SLC6A6: variants seen among roughly 807,000 people sequenced by gnomAD.
The protein encoded by SLC6A6 is solute carrier family 6 member 6.
Under a neutral mutation model 68.8 loss-of-function variants are expected in SLC6A6, and 16 were observed. The observed-to-expected ratio is 0.23, with a 90% CI of 0.16 to 0.35. SLC6A6 has a LOEUF of 0.35. Among genes scored for constraint, SLC6A6 ranks in the 10% least tolerant of loss-of-function variants. SLC6A6 has a pLI of 1.00. For missense variants in SLC6A6, 474 were observed against 802.8 expected (o/e 0.59, Z 4.95); for synonymous variants, 312 against 315.4 (o/e 0.99, Z 0.12).
In SLC6A6 at chr3:14,443,740, G is replaced by A. The variant is rs147424926; in HGVS notation, c.106G>A (p.Gly36Arg). Residue 36 changes from glycine to arginine, a missense_variant, in exon 3 of 15, where the codon GGA becomes AGA. Around this residue, in one of 2 missense-constraint regions of SLC6A6, gnomAD observed 280 missense variants for 533.1 expected, o/e 0.53. Coordinates refer to ENST00000622186, the MANE Select transcript of SLC6A6 (RefSeq NM_003043.6). ...PGTRPEDEAE[G>R]KPPQREKWSS... Reference sequence around the variant, plus strand: ...CACGCGGCCTGAGGACGAGGCTGAGGGAAAACCTCCGCAGAGGGAGAAGTG... The same window carrying A: ...CACGCGGCCTGAGGACGAGGCTGAGAGAAAACCTCCGCAGAGGGAGAAGTG... The A allele has an allele frequency of 1.2e-6, 2 of 1,614,032 alleles. No individual in the cohort carries two copies. Among genetic ancestry groups the A allele is most frequent in the Non-Finnish European group, 1.7e-6 (2 of 1,179,998 alleles).
chr3:14,471,646 G>C (rs1385195187), intron 9 of SLC6A6, among the ~76,000 whole-genome samples: 1 of 152,210 alleles, frequency 6.6e-6, no homozygotes, highest in Admixed American at 6.5e-5. Flanking sequence ...TCATGGGCTT[G>C]GCTCTGACCT....
At chr3:14,428,633 G>T (rs796841046) in intron 2 of SLC6A6, among the ~76,000 whole-genome samples, 22 of 152,272 alleles carry the variant, frequency 1.4e-4, no homozygotes, top group African/African-American at 5.1e-4. Context: ...TGAGAGAGGG[G>T]CCCTGTGTGC....
At chr3:14,426,520 C>T (rs1699603937) in intron 2 of SLC6A6, among the ~76,000 whole-genome samples, 3 of 152,226 alleles carry the variant, frequency 2.0e-5, no homozygotes. Context: ...AGATGCTACA[C>T]AGTCTCGCTA....
At chr3:14,422,145 T>C (rs1440679647) in intron 2 of SLC6A6, among the ~76,000 whole-genome samples, 1 of 152,046 alleles carries the variant, frequency 6.6e-6, no homozygotes, top group Non-Finnish European at 1.5e-5. Flanking sequence ...CTCCTGGACT[T>C]AAAAAGCAAG....
intron 2 of SLC6A6, among the ~76,000 whole-genome samples, chr3:14,439,135 C>T (rs555038177): frequency 3.4e-4 from 52 of 152,338 alleles, no homozygotes; most frequent in Non-Finnish European, 5.1e-4. Flanking sequence ...TGCTCGGTGC[C>T]GGAGGCCCAG....
rs764303742 is a variant in SLC6A6, at chr3:14,466,521, C to G, written c.738C>G (p.Val246=). Residue 246 remains valine (V), a synonymous_variant, in exon 7 of 15, where the codon GTC becomes GTG. Transcript: ENST00000622186. ...WKGVRSTGKV[V]YFTATFPFAM... is the part of the protein sequence containing the mutation. ...AATCCCTCTCGCCCTTGCAGGTCGT[C>G]TACTTCACAGCCACTTTTCCATTCG... 6.2e-6 allele frequency: 10 copies of G among 1,611,488 alleles called. No individual in the cohort carries two copies. In the South Asian group the frequency reaches 1.1e-4, roughly 18 times the overall value.
intron 2 of SLC6A6, among the ~76,000 whole-genome samples, chr3:14,425,709 C>T (rs549721948): frequency 4.6e-4 from 57 of 124,678 alleles, no homozygotes; most frequent in African/African-American, 1.7e-3. Context: ...GGGTGGGGGA[C>T]TCGGGGCAGG....
chr3:14,430,671 C>T (rs1699704700), intron 2 of SLC6A6, among the ~76,000 whole-genome samples: 1 of 152,212 alleles, frequency 6.6e-6, no homozygotes, highest in Non-Finnish European at 1.5e-5. Context: ...GCCAACCTGA[C>T]AGAATTAGAT....
rs554485806 is a variant in SLC6A6 at position 14,413,659 on chromosome 3, A to G, written c.-53-2753A>G. On this transcript the variant is annotated intron_variant, in intron 1 of 14. Transcript: ENST00000622186. ...CTCCAGGCAATTCTGCTTTGTATTT[A>G]ACTTTGGGAAGGGCTGATGACCTCT... Among the ~76,000 whole-genome samples, 5 of 151,614 alleles carry G rather than the reference A, an allele frequency of 3.3e-5. No homozygotes were observed. In the East Asian group the frequency reaches 9.8e-4, roughly 30 times the overall value.
Position 14,484,941 on chromosome 3 carries a change from C to T in SLC6A6, c.1797C>T (p.Asn599=), listed in dbSNP as rs747403349. 3.7e-6 allele frequency: 6 copies of T among 1,612,882 alleles called. No homozygotes were observed. Among genetic ancestry groups the T allele is most frequent in the South Asian group, 1.1e-5 (1 of 91,016 alleles). ...AGCGCGAGGGAGCCACACCTTACAA[C>T]TCTCGCACCGTCATGAACGGCGCTC... is the stretch of plus-strand genomic sequence containing the variant. ...AVEREGATPY[N]SRTVMNGALV... is the part of the protein sequence containing the mutation. Residue 599 remains asparagine, a synonymous_variant, in exon 15 of 15, where the codon AAC becomes AAT. Transcript: ENST00000622186.
intron 5 of SLC6A6, among the ~76,000 whole-genome samples, chr3:14,457,244 C>T (rs946733742): frequency 6.6e-6 from 1 of 152,162 alleles, no homozygotes; most frequent in South Asian, 2.1e-4. Context: ...TCCTTAAAAC[C>T]GTTTACCTGC....
chr3:14,451,456 TG>T (rs776402639), intron 5 of SLC6A6, among the ~76,000 whole-genome samples: 12 of 152,162 alleles, frequency 7.9e-5, no homozygotes, highest in Non-Finnish European at 1.8e-4. Flanking sequence ...CATGAGTATT[TG>T]GGATGGTTTG....
At chr3:14,420,960 G>A (rs1257543338) in intron 2 of SLC6A6, among the ~76,000 whole-genome samples, 2 of 152,198 alleles carry the variant, frequency 1.3e-5, no homozygotes, top group Non-Finnish European at 2.9e-5. Flanking sequence ...GTCTTTACAC[G>A]TTGGTCTAAG....
intron 1 of SLC6A6, among the ~76,000 whole-genome samples, chr3:14,403,528 C>G (rs908918224): frequency 1.3e-5 from 2 of 152,064 alleles, no homozygotes; most frequent in African/African-American, 4.8e-5. Context: ...AGCTGGTTCT[C>G]CAGGGCCGGC....
In SLC6A6 at chr3:14,468,209, TCAGGTA is replaced by T; in HGVS notation, c.1095_1096+4del. 1 of 1,612,894 alleles carries T rather than the reference TCAGGTA, an allele frequency of 6.2e-7. No homozygotes were observed. Among genetic ancestry groups the T allele is most frequent in the Non-Finnish European group, 8.5e-7 (1 of 1,179,666 alleles). ...GGTGGACATTGCTGATGTGGCTGAGTCAGGTACGGTGGTATCGGTGGCAGTGGTGGT... is the reference window on the plus strand; with the variant it reads ...GGTGGACATTGCTGATGTGGCTGAGTCGGTGGTATCGGTGGCAGTGGTGGT... On this transcript the variant is annotated splice_donor_variant and splice_donor_region_variant and coding_sequence_variant and intron_variant, in exon 9 of 15. Coordinates refer to ENST00000622186, the MANE Select transcript of SLC6A6 (RefSeq NM_003043.6). LOFTEE classifies it high-confidence loss of function. The surrounding 1 kb of genome is among the most constrained non-coding windows in gnomAD (Gnocchi z 4.5).
Position 14,468,317 on chromosome 3 carries a change from G to T in SLC6A6, c.1096+105G>T. On this transcript the variant is annotated intron_variant, in intron 9 of 14. Coordinates refer to ENST00000622186, the MANE Select transcript of SLC6A6 (RefSeq NM_003043.6). This position sits in a 1 kb window ranked among gnomAD's most constrained non-coding sequence, Gnocchi z 4.5. ...CCCAGGGGGCTTTGAGGGGGGACGAGCCTGGTTTCTAAAATGGACCCCCCC... is the reference window on the plus strand; with the variant it reads ...CCCAGGGGGCTTTGAGGGGGGACGATCCTGGTTTCTAAAATGGACCCCCCC... 1 of 984,020 alleles carries T rather than the reference G, an allele frequency of 1.0e-6. No homozygotes were observed. Among genetic ancestry groups the T allele is most frequent in the Non-Finnish European group, 1.4e-6 (1 of 706,044 alleles). The allele number at this position is 984,020 out of a possible 1,614,324, so 61.0% of individuals were successfully genotyped here. A position where few individuals can be genotyped will look rare whatever the true frequency, so the allele number is the denominator to read the frequency against.
In SLC6A6 at chr3:14,444,821, G is replaced by A. The variant is rs189505937; in HGVS notation, c.230-896G>A. 232 of 456,622 alleles carry A rather than the reference G, an allele frequency of 5.1e-4. 3 individuals are homozygous for A. In the East Asian group the frequency reaches 0.013, roughly 26 times the overall value. The allele number at this position is 456,622 out of a possible 1,614,324, so 28.3% of individuals were successfully genotyped here. On this transcript the variant is annotated intron_variant, in intron 3 of 14. Coordinates refer to ENST00000622186, the MANE Select transcript of SLC6A6 (RefSeq NM_003043.6). ...ATACACTAGACCCAAGTTGCCCACA[G>A]TTTCAAAGGGTTTATGGACCCGCTG...
intron 6 of SLC6A6, among the ~76,000 whole-genome samples, chr3:14,463,043 C>G (rs542120423): frequency 9.1e-4 from 139 of 152,330 alleles, no homozygotes; most frequent in Non-Finnish European, 1.3e-3. Flanking sequence ...ACTCACTTCC[C>G]AAGCTTAACT....
chr3:14,442,607 G>A (rs912993283), intron 2 of SLC6A6, among the ~76,000 whole-genome samples: 4 of 152,188 alleles, frequency 2.6e-5, no homozygotes, highest in South Asian at 2.1e-4. Flanking sequence ...CCTCAGGGTC[G>A]AGCTGACAGG....
Sources: allele counts gnomAD v4.1 joint callset (sites outside exome capture counted in the v4.1 genomes callset), GRCh38; gene constraint gnomAD v4.1.1; regional missense constraint gnomAD v4.1.1; non-coding constraint Gnocchi (gnomAD v3.1); transcripts MANE v1.5; gene names NCBI Gene and HGNC (gene_info 2026-07-23, HGNC 2026-07-21).